The following FAM107B variants were observed in gnomAD, a reference collection of about 807,000 sequenced individuals.
FAM107B encodes the protein protein FAM107B.
In FAM107B, 21 loss-of-function variants were observed where a neutral mutation model predicts 31.5. The observed-to-expected ratio is 0.67, with a 90% CI of 0.47 to 0.96. The LOEUF (loss-of-function observed/expected upper bound fraction) is 0.96. Among genes scored for constraint, FAM107B ranks in the 40% least tolerant of loss-of-function variants. The pLI is 0.00. For synonymous variants in FAM107B, 157 were observed against 141.5 expected, an observed-to-expected ratio of 1.11 and a Z score of -0.78; for missense variants, 452 against 377.1, an observed-to-expected ratio of 1.20 and a Z score of -1.64.
At chr10:14,722,289 T>G (rs1335379927) in intron 1 of FAM107B, among the ~76,000 whole-genome samples, 1 of 152,254 alleles carries the variant, frequency 6.6e-6, no homozygotes, top group East Asian at 1.9e-4. Context: ...TGAAATCACA[T>G]GATATGTGGC....
At chr10:14,735,322 A>T (rs1428989871) in intron 1 of FAM107B, among the ~76,000 whole-genome samples, 1 of 151,896 alleles carries the variant, frequency 6.6e-6, no homozygotes, top group Non-Finnish European at 1.5e-5. Flanking sequence ...GCTATCATTC[A>T]TGTTAGTGAA....
intron 1 of FAM107B, among the ~76,000 whole-genome samples, chr10:14,773,351 G>C (rs1588772458): frequency 6.6e-6 from 1 of 152,218 alleles, no homozygotes; most frequent in African/African-American, 2.4e-5. Flanking sequence ...TTGTTAAACG[G>C]ATGTGGAAAA....
chr10:14,753,339 G>T (rs1832866998), intron 1 of FAM107B, among the ~76,000 whole-genome samples: 1 of 152,196 alleles, frequency 6.6e-6, no homozygotes, highest in Admixed American at 6.5e-5. Context: ...TAGCAATGGT[G>T]ACAAGGAGTG....
chr10:14,765,477 A>G (rs1216357479), intron 1 of FAM107B, among the ~76,000 whole-genome samples: 1 of 152,168 alleles, frequency 6.6e-6, no homozygotes, highest in Admixed American at 6.5e-5. Flanking sequence ...AAAATTCTTG[A>G]CTGGGTATAT....
intron 2 of FAM107B, among the ~76,000 whole-genome samples, chr10:14,564,184 T>C (rs1050968557): frequency 2.0e-5 from 3 of 152,252 alleles, no homozygotes; most frequent in Admixed American, 2.0e-4. Flanking sequence ...GTCAAAAAGA[T>C]TGAGACCCAG....
At chr10:14,545,058 T>C (rs367959174) in intron 2 of FAM107B, among the ~76,000 whole-genome samples, 1 of 152,262 alleles carries the variant, frequency 6.6e-6, no homozygotes. Context: ...GCAACCTGTG[T>C]TTTATCATGT....
chr10:14,542,192 C>A (rs189567336), intron 2 of FAM107B, among the ~76,000 whole-genome samples: 1 of 150,744 alleles, frequency 6.6e-6, no homozygotes, highest in Non-Finnish European at 1.5e-5. Context: ...ATCGCTTGAA[C>A]GCAGGAGGCA....
chr10:14,726,143 A>C (rs1228524437), intron 1 of FAM107B, among the ~76,000 whole-genome samples: 5 of 152,088 alleles, frequency 3.3e-5, no homozygotes, highest in Admixed American at 2.0e-4. Context: ...ACAGGCTTGC[A>C]CCACCACACC....
At chr10:14,740,315 G>T (rs911617049) in intron 1 of FAM107B, among the ~76,000 whole-genome samples, 4 of 152,148 alleles carry the variant, frequency 2.6e-5, no homozygotes, top group African/African-American at 9.7e-5. Flanking sequence ...AAGACATGGA[G>T]GAACACTAAA....
chr10:14,710,642 T>C (rs1391490922), intron 1 of FAM107B, among the ~76,000 whole-genome samples: 1 of 152,218 alleles, frequency 6.6e-6, no homozygotes, highest in Non-Finnish European at 1.5e-5. Flanking sequence ...GACATCCTGA[T>C]GATCCTAACC....
chr10:14,577,445 G>A (rs535738416), intron 2 of FAM107B, among the ~76,000 whole-genome samples: 11 of 152,324 alleles, frequency 7.2e-5, no homozygotes, highest in Non-Finnish European at 1.5e-4. Flanking sequence ...TTAAAAAAGC[G>A]AGCTTACGTT....
chr10:14,625,574 G>A (rs1376311816), intron 2 of FAM107B, among the ~76,000 whole-genome samples: 4 of 152,098 alleles, frequency 2.6e-5, no homozygotes, highest in Non-Finnish European at 5.9e-5. Flanking sequence ...GCTGTGACAT[G>A]GTGTGCCAAA....
intron 2 of FAM107B, among the ~76,000 whole-genome samples, chr10:14,655,065 G>A (rs1389209410): frequency 2.6e-5 from 4 of 152,312 alleles, no homozygotes; most frequent in Non-Finnish European, 5.9e-5. Context: ...TGAGGCAAAA[G>A]GGGAGCTGGC....
chr10:14,767,024 G>GTATGTATATATATATA (rs1554757993), intron 1 of FAM107B, among the ~76,000 whole-genome samples: 3 of 16,234 alleles, frequency 1.8e-4, no homozygotes, highest in Non-Finnish European at 6.8e-4. Context: ...TGATGTGTAT[G>GTATGTATATATATATA]TATATATATA....
chr10:14,637,076 A>G (rs1425842646), intron 2 of FAM107B, among the ~76,000 whole-genome samples: 2 of 152,186 alleles, frequency 1.3e-5, no homozygotes, highest in Non-Finnish European at 2.9e-5. Context: ...ATGAATTCTC[A>G]GGGGAGACTT....
At chr10:14,647,881 G>A (rs1484237053) in intron 2 of FAM107B, among the ~76,000 whole-genome samples, 2 of 151,632 alleles carry the variant, frequency 1.3e-5, no homozygotes, top group Non-Finnish European at 1.5e-5. Flanking sequence ...CTCTAATATT[G>A]CCCCAACCAA....
intron 1 of FAM107B, among the ~76,000 whole-genome samples, chr10:14,696,622 A>C (rs1855271934): frequency 6.6e-6 from 1 of 152,184 alleles, no homozygotes; most frequent in Non-Finnish European, 1.5e-5. Context: ...TCATGAAATC[A>C]TCTGGTCCTG....
intron 2 of FAM107B, among the ~76,000 whole-genome samples, chr10:14,619,567 C>T (rs999435615): frequency 2.0e-5 from 3 of 152,030 alleles, no homozygotes; most frequent in Non-Finnish European, 4.4e-5. Flanking sequence ...CTTTTACAGG[C>T]ATGTGTTTTC....
At chr10:14,603,216 G>C (rs765593201) in intron 2 of FAM107B, among the ~76,000 whole-genome samples, 6 of 152,136 alleles carry the variant, frequency 3.9e-5, no homozygotes, top group African/African-American at 7.2e-5. Flanking sequence ...TCTCTGGACA[G>C]GTAGCCCAGA....
Sources: allele counts gnomAD v4.1 joint callset (sites outside exome capture counted in the v4.1 genomes callset), GRCh38; gene constraint gnomAD v4.1.1; transcripts MANE v1.5; gene names NCBI Gene and HGNC (gene_info 2026-07-23, HGNC 2026-07-21).